SNX18: variants seen among roughly 807,000 people sequenced by gnomAD.
The protein encoded by SNX18 is sorting nexin-18.
SNX18 carries 35 observed loss-of-function variants against 48.7 expected under a neutral mutation model. That is an observed-to-expected ratio of 0.72 (90% CI 0.55 to 0.95). SNX18 has a LOEUF of 0.95. SNX18 is among the 40% of genes least tolerant of loss of function. SNX18 has a pLI of 0.00. For missense variants in SNX18, 824 were observed against 871.0 expected (o/e 0.95, Z 0.68); for synonymous variants, 492 against 384.7 (o/e 1.28, Z -3.26).
chr5:54,634,213 A>G, the SNX18 span, among the ~76,000 whole-genome samples: 1 of 152,102 alleles, frequency 6.6e-6, no homozygotes, highest in African/African-American at 2.4e-5. Flanking sequence ...TGCTTATTGG[A>G]TTTCCTTATA....
the SNX18 span, among the ~76,000 whole-genome samples, chr5:54,591,575 G>A: frequency 6.6e-6 from 1 of 152,212 alleles, no homozygotes; most frequent in Admixed American, 6.5e-5. Flanking sequence ...TTTGTTGGTG[G>A]CACTGTGAGC....
At chr5:54,572,143 G>A in the SNX18 span, among the ~76,000 whole-genome samples, 1 of 152,140 alleles carries the variant, frequency 6.6e-6, no homozygotes, top group African/African-American at 2.4e-5. Flanking sequence ...GACTGTTCTG[G>A]CCATTGAGAA....
At position 54,518,798 on chromosome 5, in the gene SNX18, C is replaced by A; in HGVS notation, c.846C>A (p.Asp282Glu). 6.2e-7 allele frequency: 1 copy of A among 1,603,250 alleles called. No individual in the cohort carries two copies. Among genetic ancestry groups the A allele is most frequent in the Non-Finnish European group, 8.5e-7 (1 of 1,174,274 alleles). ...NPYPFQCTID[D>E]PTKQTKFKGM... ...ACCCGTTCCAGTGCACCATCGACGA[C>A]CCCACCAAGCAGACCAAGTTCAAGG... The change falls in exon 1 of 2, where the codon GAC becomes GAA. Residue 282 changes from aspartate to glutamate, a missense_variant. This residue lies in a region of SNX18 where 443 missense variants were observed against 503.6 expected (regional missense o/e 0.88). Transcript: ENST00000381410.
the SNX18 span, chr5:54,645,556 G>A: frequency 6.6e-6 from 1 of 152,204 alleles, no homozygotes; most frequent in Admixed American, 6.5e-5. Context: ...ATCCTTTGTG[G>A]GCTTAAGTCA....
chr5:54,537,101 G>A (rs1482819049), intron 1 of SNX18, among the ~76,000 whole-genome samples: 1 of 152,152 alleles, frequency 6.6e-6, no homozygotes, highest in Admixed American at 6.5e-5. Context: ...AGGCTGAGGC[G>A]GGCGGATCAC....
chr5:54,561,321 A>G, the SNX18 span, among the ~76,000 whole-genome samples: 5 of 152,034 alleles, frequency 3.3e-5, no homozygotes, highest in African/African-American at 4.8e-5. Flanking sequence ...GATTACAGGC[A>G]TGAGGCACTG....
the SNX18 span, among the ~76,000 whole-genome samples, chr5:54,622,269 T>C: frequency 6.6e-6 from 1 of 152,124 alleles, no homozygotes; most frequent in Non-Finnish European, 1.5e-5. Context: ...GTGGCCAAGG[T>C]CGGAGGATCA....
chr5:54,626,819 A>T, the SNX18 span, among the ~76,000 whole-genome samples: 11 of 152,244 alleles, frequency 7.2e-5, no homozygotes, highest in African/African-American at 2.7e-4. Flanking sequence ...TGGGTAAGAT[A>T]GCAAACTACA....
In SNX18 at chr5:54,543,298, A is replaced by G. The variant is rs748201195; in HGVS notation, c.1741A>G (p.Ile581Val). ...NTISFATLAE[I>V]HHFHQIRVRD... is the part of the protein sequence containing the mutation. The stretch of plus-strand genomic sequence containing the variant: ...TATTTCTTTTGCCACTTTGGCTGAA[A>G]TTCACCACTTCCATCAAATTCGAGT... The change falls in exon 2 of 2, where the codon ATT becomes GTT. Residue 581 changes from isoleucine (I) to valine (V), a missense_variant. Physicochemically the swap from Ile to Val is conservative, Grantham distance 29. Around this residue, in one of 3 missense-constraint regions of SNX18, gnomAD observed 443 missense variants for 503.6 expected, o/e 0.88. Coordinates refer to ENST00000381410, the MANE Select transcript of SNX18 (RefSeq NM_001102575.2). The G allele has an allele frequency of 6.2e-7, 1 of 1,614,230 alleles. No individual in the cohort carries two copies.
chr5:54,618,471 A>G, the SNX18 span, among the ~76,000 whole-genome samples: 1 of 152,210 alleles, frequency 6.6e-6, no homozygotes, highest in South Asian at 2.1e-4. Flanking sequence ...AGACCTTGCC[A>G]TCCTTCACCA....
chr5:54,569,574 G>A, the SNX18 span, among the ~76,000 whole-genome samples: 2 of 152,128 alleles, frequency 1.3e-5, no homozygotes, highest in African/African-American at 4.8e-5. Flanking sequence ...AATTTCTGAA[G>A]ACTTATTTCT....
the SNX18 span, among the ~76,000 whole-genome samples, chr5:54,631,098 T>C: frequency 6.6e-6 from 1 of 152,200 alleles, no homozygotes; most frequent in Non-Finnish European, 1.5e-5. Context: ...TAGCTTCTGA[T>C]GAAAATAAGG....
chr5:54,612,271 T>A, the SNX18 span, among the ~76,000 whole-genome samples: 52 of 152,188 alleles, frequency 3.4e-4, no homozygotes, highest in South Asian at 1.0e-3. Flanking sequence ...TTTATTTTTT[T>A]TTTTTGAGAT....
the SNX18 span, among the ~76,000 whole-genome samples, chr5:54,613,344 C>G: frequency 6.6e-6 from 1 of 152,018 alleles, no homozygotes; most frequent in African/African-American, 2.4e-5. Flanking sequence ...AAGGGCTTCT[C>G]GGTGCATCAT....
the SNX18 span, among the ~76,000 whole-genome samples, chr5:54,559,540 G>A: frequency 6.6e-6 from 1 of 151,984 alleles, no homozygotes; most frequent in Non-Finnish European, 1.5e-5. Flanking sequence ...GAAACTGGAC[G>A]CCTTCCTTAC....
the SNX18 span, among the ~76,000 whole-genome samples, chr5:54,625,841 G>C: frequency 6.6e-6 from 1 of 152,128 alleles, no homozygotes; most frequent in Non-Finnish European, 1.5e-5. Context: ...TGAAACTCTT[G>C]GGAAAGAAAT....
the SNX18 span, among the ~76,000 whole-genome samples, chr5:54,632,141 T>C: frequency 6.6e-6 from 1 of 152,320 alleles, no homozygotes; most frequent in East Asian, 1.9e-4. Flanking sequence ...CATAAGCAGC[T>C]GATCTCTGAA....
At chr5:54,637,162 A>G in the SNX18 span, among the ~76,000 whole-genome samples, 1 of 152,198 alleles carries the variant, frequency 6.6e-6, no homozygotes, top group African/African-American at 2.4e-5. Context: ...GAATACAAGC[A>G]GAACATGTAA....
At chr5:54,548,140 AT>A (rs1762603387), downstream of SNX18, among the ~76,000 whole-genome samples, 1 of 152,138 alleles carries the variant, frequency 6.6e-6, no homozygotes, top group South Asian at 2.1e-4. Context: ...GGATGTCTCA[AT>A]CCTAACATCC....
Sources: allele counts gnomAD v4.1 joint callset (sites outside exome capture counted in the v4.1 genomes callset), GRCh38; gene constraint gnomAD v4.1.1; regional missense constraint gnomAD v4.1.1; transcripts MANE v1.5; gene names NCBI Gene and HGNC (gene_info 2026-07-23, HGNC 2026-07-21).